MAP6: variants seen among roughly 807,000 people sequenced by gnomAD.
The protein encoded by MAP6 is microtubule associated protein 6, also known as microtubule-associated protein 6.
Under a neutral mutation model 42.4 loss-of-function variants are expected in MAP6, and 26 were observed. The ratio of observed to expected loss-of-function variants is 0.61; its 90% confidence interval spans 0.45 to 0.85. MAP6 has a LOEUF of 0.85. Among genes scored for constraint, MAP6 ranks in the 40% least tolerant of loss-of-function variants. MAP6 has a pLI of 0.00. For missense variants in MAP6, 966 were observed against 1,099.0 expected (o/e 0.88, Z 1.71); for synonymous variants, 418 against 443.8 (o/e 0.94, Z 0.73).
rs576322653 is a variant in MAP6, at chr11:75,607,094, C to T, written c.1119+1015G>A. ...TGCAGCGGCTTTCAGTCACTCCTGA[C>T]CTGTAAGGAAAGGAACCAATCGTCC... On this transcript the variant is annotated intron_variant, in intron 2 of 3. Transcript: ENST00000304771. 9 of 373,154 alleles carry T rather than the reference C, an allele frequency of 2.4e-5. No individual in the cohort carries two copies. The East Asian group carries it at 6.7e-4, about 28-fold the overall frequency. 23.1% of individuals were successfully genotyped at this position (373,154 alleles called of 1,614,324 possible).
intron 2 of MAP6, among the ~76,000 whole-genome samples, chr11:75,606,232 CT>C (rs1942772124): frequency 6.6e-6 from 1 of 152,158 alleles, no homozygotes; most frequent in Non-Finnish European, 1.5e-5. Context: ...CGTGGTCTCC[CT>C]TGTCCTGCCA....
Position 75,667,643 on chromosome 11 carries a change from C to G in MAP6, c.727G>C (p.Gly243Arg), listed in dbSNP as rs960657301. The G allele has an allele frequency of 7.9e-7, 1 of 1,262,310 alleles. No individual in the cohort carries two copies. Among genetic ancestry groups the G allele is most frequent in the Non-Finnish European group, 9.9e-7 (1 of 1,008,410 alleles). The allele number at this position is 1,262,310 out of a possible 1,614,324, so 78.2% of individuals were successfully genotyped here. A position where few individuals can be genotyped will look rare whatever the true frequency, so the allele number is the denominator to read the frequency against. Reference protein sequence around the residue: ...ADERDTRRKAGPAWIVRRAEG... With the variant: ...ADERDTRRKARPAWIVRRAEG... ...GCGCGGCGCACAATCCAGGCAGGCCCGGCCTTCCTGCGCGTGTCGCGCTCG... is the reference window on the plus strand; with the variant it reads ...GCGCGGCGCACAATCCAGGCAGGCCGGGCCTTCCTGCGCGTGTCGCGCTCG... Residue 243 changes from glycine to arginine, a missense_variant, in exon 1 of 4, where the codon GGG (glycine) becomes CGG (arginine). Transcript: ENST00000304771. This position sits in a 1 kb window ranked among gnomAD's most constrained non-coding sequence, Gnocchi z 5.6.
At chr11:75,635,463 C>T (rs1210158608) in intron 1 of MAP6, among the ~76,000 whole-genome samples, 1 of 152,070 alleles carries the variant, frequency 6.6e-6, no homozygotes, top group African/African-American at 2.4e-5. Context: ...GCCAAAAGCC[C>T]AATTAGGCAA....
intron 1 of MAP6, among the ~76,000 whole-genome samples, chr11:75,617,892 G>A (rs540294099): frequency 6.6e-6 from 1 of 152,212 alleles, no homozygotes; most frequent in Admixed American, 6.5e-5. Context: ...ACGCTCTTTT[G>A]GTTAGCTGGG....
chr11:75,605,053 A>G, intron 3 of MAP6: 3 of 985,454 alleles, frequency 3.0e-6, no homozygotes, highest in Non-Finnish European at 3.6e-6. Flanking sequence ...ATCAGAGGAA[A>G]ACAGCCTCCT....
intron 1 of MAP6, among the ~76,000 whole-genome samples, chr11:75,644,147 T>C (rs1943519986): frequency 6.6e-6 from 1 of 152,168 alleles, no homozygotes; most frequent in South Asian, 2.1e-4. Context: ...TTTCTACTGA[T>C]GGATTTGGCA....
At chr11:75,647,242 C>CA (rs758979642) in intron 1 of MAP6, among the ~76,000 whole-genome samples, 7 of 148,076 alleles carry the variant, frequency 4.7e-5, no homozygotes, top group Non-Finnish European at 1.0e-4. Context: ...CTTGGCCTCC[C>CA]AAAGTGTTAG....
chr11:75,612,679 A>AG (rs2135596718), intron 1 of MAP6, among the ~76,000 whole-genome samples: 1 of 152,210 alleles, frequency 6.6e-6, no homozygotes, highest in African/African-American at 2.4e-5. Flanking sequence ...CCATGTTTGG[A>AG]AGCATGTGCT....
chr11:75,608,765 A>G (rs1942829181), intron 1 of MAP6, among the ~76,000 whole-genome samples: 1 of 152,244 alleles, frequency 6.6e-6, no homozygotes, highest in Non-Finnish European at 1.5e-5. Flanking sequence ...ATATTGTGGC[A>G]TATCAATGAA....
intron 1 of MAP6, among the ~76,000 whole-genome samples, chr11:75,633,009 TC>T (rs1943308763): frequency 6.7e-6 from 1 of 149,674 alleles, no homozygotes; most frequent in African/African-American, 2.5e-5. Flanking sequence ...TTTTCTTTTT[TC>T]TTTTTTTTTT....
chr11:75,610,923 G>A (rs1317338569), intron 1 of MAP6, among the ~76,000 whole-genome samples: 1 of 152,106 alleles, frequency 6.6e-6, no homozygotes, highest in Non-Finnish European at 1.5e-5. Flanking sequence ...AAGCTCTCCT[G>A]ATTCTGTTCA....
chr11:75,630,086 C>T (rs975154187), intron 1 of MAP6, among the ~76,000 whole-genome samples: 5 of 152,200 alleles, frequency 3.3e-5, no homozygotes, highest in African/African-American at 1.2e-4. Flanking sequence ...GCTGCTGTAA[C>T]TATCATCACC....
chr11:75,654,826 C>G (rs1311548124), intron 1 of MAP6, among the ~76,000 whole-genome samples: 2 of 152,144 alleles, frequency 1.3e-5, no homozygotes, highest in Non-Finnish European at 2.9e-5. Flanking sequence ...AAAATAAAGA[C>G]TTTCCCAAGG....
chr11:75,646,738 T>G (rs1414158999), intron 1 of MAP6, among the ~76,000 whole-genome samples: 1 of 151,778 alleles, frequency 6.6e-6, no homozygotes, highest in Non-Finnish European at 1.5e-5. Flanking sequence ...AAGTGGAGGT[T>G]GAGGTGAGCC....
chr11:75,617,323 C>T (rs922556283), intron 1 of MAP6, among the ~76,000 whole-genome samples: 1 of 152,012 alleles, frequency 6.6e-6, no homozygotes, highest in Non-Finnish European at 1.5e-5. Context: ...TCGAGACCAG[C>T]CTGGCCAACA....
At chr11:75,645,808 T>C (rs1464048247) in intron 1 of MAP6, among the ~76,000 whole-genome samples, 1 of 152,134 alleles carries the variant, frequency 6.6e-6, no homozygotes, top group African/African-American at 2.4e-5. Flanking sequence ...GTACATATCC[T>C]ATTTGAGAAA....
intron 1 of MAP6, among the ~76,000 whole-genome samples, chr11:75,614,047 TCTCTCTGTTCCTTCTCTGACCTGTAC>T (rs1220936330): frequency 6.6e-6 from 1 of 152,190 alleles, no homozygotes; most frequent in Non-Finnish European, 1.5e-5. Context: ...TCCTTTCTGG[TCTCTCTGTTCCTTCTCTGACCTGTAC>T]CTCTCTGTAG....
At chr11:75,605,599 C>A in intron 3 of MAP6, 1 of 1,359,370 alleles carries the variant, frequency 7.4e-7, no homozygotes, top group Non-Finnish European at 9.5e-7. Context: ...AGGGGCTGCC[C>A]TCAGGAGGAG....
rs746727740 is a variant in MAP6, at chr11:75,653,511, A to G, written c.905+13954T>C. On this transcript the variant is annotated intron_variant, in intron 1 of 3. Transcript: ENST00000304771. ...GCCACCCAAATCCAGACTTTGGCAA[A>G]AATTAGATAACATCAAAGCACAGAA... Among the ~76,000 whole-genome samples the G allele has an allele frequency of 2.6e-5, 4 of 152,360 alleles. No individual in the cohort carries two copies. The South Asian group carries it at 8.3e-4, about 32-fold the overall frequency.
Sources: allele counts gnomAD v4.1 joint callset (sites outside exome capture counted in the v4.1 genomes callset), GRCh38; gene constraint gnomAD v4.1.1; non-coding constraint Gnocchi (gnomAD v3.1); transcripts MANE v1.5; gene names NCBI Gene and HGNC (gene_info 2026-07-23, HGNC 2026-07-21).